The following RAPGEFL1 variants were observed in gnomAD, a reference collection of about 807,000 sequenced individuals.
The protein encoded by RAPGEFL1 is rap guanine nucleotide exchange factor-like 1.
In RAPGEFL1, 31 loss-of-function variants were observed where a neutral mutation model predicts 64.4. The ratio of observed to expected loss-of-function variants is 0.48; its 90% CI spans 0.36 to 0.65. The LOEUF is 0.65. RAPGEFL1 is among the 30% of genes least tolerant of loss of function. RAPGEFL1 has a pLI of 0.00. For missense variants in RAPGEFL1, 682 were observed against 677.4 expected (o/e 1.01, Z -0.08); for synonymous variants, 331 against 274.1 (o/e 1.21, Z -2.05).
intron 11 of RAPGEFL1, among the ~76,000 whole-genome samples, 158 bp downstream of exon 11, chr17:40,192,421 GC>G (rs1316145450): frequency 6.6e-6 from 1 of 151,964 alleles, no homozygotes; most frequent in Non-Finnish European, 1.5e-5. Context: ...GAAGGATTGC[GC>G]CCCTGTTTTT....
Position 40,191,558 on chromosome 17 carries a change from T to TGACCCCGCCTCCCACCCCC in RAPGEFL1, c.1515-22_1515-4dup. On this transcript the variant is annotated intron_variant, in intron 9 of 14. Transcript: ENST00000620260. This position sits in a 1 kb window ranked among gnomAD's most constrained non-coding sequence, Gnocchi z 5.1. The stretch of plus-strand genomic sequence containing the variant: ...GGAGGCCCGCGCCGCCGCCCGCCCC[T>TGACCCCGCCTCCCACCCCC]GACCCCGCCTCCCACCCCCGCAGCT... The TGACCCCGCCTCCCACCCCC allele has an allele frequency of 1.4e-6, 2 of 1,474,410 alleles. No homozygotes were observed. The highest frequency in any genetic ancestry group is 1.8e-6 in the Non-Finnish European group (2 of 1,082,482). The allele number at this position is 1,474,410 out of a possible 1,614,324, so 91.3% of individuals were successfully genotyped here.
In RAPGEFL1 at chr17:40,178,067, G is replaced by A; in HGVS notation, c.206G>A (p.Arg69Gln). ...CGCCTGCTGCTCCCCGCTTTCCTCC[G>A]GGAGCCCCCCGCCGAGCCGGGGCTG... The part of the protein sequence containing the change: ...VSRLLLPAFL[R>Q]EPPAEPGLEP... The change falls in exon 1 of 15, where the codon CGG (arginine) becomes CAG (glutamine). Residue 69 changes from arginine to glutamine, a missense_variant. By Grantham distance (43) the Arg-to-Gln change is conservative. Around this residue, in one of 2 missense-constraint regions of RAPGEFL1, gnomAD observed 271 missense variants for 158.0 expected, o/e 1.72. Transcript: ENST00000620260. 1.7e-6 allele frequency: 1 copy of A among 603,428 alleles called. No homozygotes were observed. Among genetic ancestry groups the A allele is most frequent in the Non-Finnish European group, 2.9e-6 (1 of 341,082 alleles). 37.4% of individuals were successfully genotyped at this position (603,428 alleles called of 1,614,324 possible). A position where few individuals can be genotyped will look rare whatever the true frequency, so the allele number is the denominator to read the frequency against.
chr17:40,185,981 G>T (rs1468566652), intron 4 of RAPGEFL1, among the ~76,000 whole-genome samples: 1 of 150,700 alleles, frequency 6.6e-6, no homozygotes, highest in African/African-American at 2.4e-5. Flanking sequence ...AAAAAAAAAG[G>T]CCGGGTGCGG....
rs997403597 is a variant in RAPGEFL1, at chr17:40,189,445, G to A, written c.1114+70G>A. ...TCACAAGCTCAGGGCTCTGGGGGAG[G>A]GGTAGAGACTGAATTCTAGGCCCTT... On this transcript the variant is annotated intron_variant, in intron 6 of 14. Coordinates refer to ENST00000620260, the MANE Select transcript of RAPGEFL1 (RefSeq NM_016339.6). 3.3e-6 allele frequency: 5 copies of A among 1,533,136 alleles called. No individual in the cohort carries two copies. In the Admixed American group the frequency reaches 9.1e-5, roughly 28 times the overall value. The allele number at this position is 1,533,136 out of a possible 1,614,324, so 95.0% of individuals were successfully genotyped here. A position where few individuals can be genotyped will look rare whatever the true frequency, so the allele number is the denominator to read the frequency against.
At chr17:40,184,828 G>A in intron 4 of RAPGEFL1, 150 bp downstream of exon 4, 2 of 596,286 alleles carry the variant, frequency 3.4e-6, no homozygotes, top group South Asian at 4.3e-5. Context: ...CGCCTAGGCT[G>A]GAGAGCAGTG....
In RAPGEFL1 at chr17:40,192,928, C is replaced by G; in HGVS notation, c.1747C>G (p.Leu583Val). 1.2e-6 allele frequency: 2 copies of G among 1,612,826 alleles called. No individual in the cohort carries two copies. The highest frequency in any genetic ancestry group is 1.7e-6 in the Non-Finnish European group (2 of 1,178,830). Residue 583 changes from leucine to valine, a missense_variant and splice_region_variant, in exon 13 of 15, where the codon CTG becomes GTG. Physicochemically the swap from Leu to Val is conservative, Grantham distance 32. Around this residue, in one of 2 missense-constraint regions of RAPGEFL1, gnomAD observed 411 missense variants for 519.4 expected, o/e 0.79. Transcript: ENST00000620260. Reference sequence around the variant, plus strand: ...TGGATTCTCTCCACATCCCCTAGACCTGACTTTCCTGCACGAAGGGAGTAA... The same window carrying G: ...TGGATTCTCTCCACATCCCCTAGACGTGACTTTCCTGCACGAAGGGAGTAA... The part of the protein sequence containing the change: ...IPFVPLILKD[L>V]TFLHEGSKTL...
At chr17:40,185,124 A>C (rs1990021348) in intron 4 of RAPGEFL1, among the ~76,000 whole-genome samples, 1 of 152,180 alleles carries the variant, frequency 6.6e-6, no homozygotes, top group Non-Finnish European at 1.5e-5. Flanking sequence ...AGGGTGGCAC[A>C]AAGCACTGTC....
At chr17:40,187,401 T>C (rs956771478) in intron 4 of RAPGEFL1, among the ~76,000 whole-genome samples, 3 of 152,172 alleles carry the variant, frequency 2.0e-5, no homozygotes, top group African/African-American at 7.2e-5. Context: ...GAGAGATCTT[T>C]CATGCTCCTG....
chr17:40,184,400 G>A, intron 3 of RAPGEFL1, 51 bp downstream of exon 3: 1 of 1,514,130 alleles, frequency 6.6e-7, no homozygotes, highest in Non-Finnish European at 9.0e-7. Flanking sequence ...GCTCTGGAAG[G>A]GGGCCCCTGT....
upstream of RAPGEFL1, chr17:40,177,389 C>T (rs1041555175): frequency 2.6e-5 from 12 of 467,608 alleles, no homozygotes; most frequent in African/African-American, 2.2e-4. Context: ...AAGCCTCGTG[C>T]GGCGCGGGGG....
In RAPGEFL1 at chr17:40,192,518, C is replaced by T. The variant is rs555089308; in HGVS notation, c.1657-88C>T. 8.3e-5 allele frequency: 99 copies of T among 1,188,528 alleles called. No homozygotes were observed. The African/African-American group carries it at 1.3e-3, about 16-fold the overall frequency. The allele number at this position is 1,188,528 out of a possible 1,614,324, so 73.6% of individuals were successfully genotyped here. On this transcript the variant is annotated intron_variant, in intron 11 of 14. Transcript: ENST00000620260. ...ACCCCTATCTGATCAGGAATGTATA[C>T]AAGGCAGGGGGTGAGGGAGGAAGCT... is the stretch of plus-strand genomic sequence containing the variant.
chr17:40,181,616 A>T lies in RAPGEFL1; in HGVS notation c.521A>T (p.Asp174Val). 1 of 702,692 alleles carries T rather than the reference A, an allele frequency of 1.4e-6. No homozygotes were observed. The highest frequency in any genetic ancestry group is 2.6e-6 in the Non-Finnish European group (1 of 384,790). 43.5% of individuals were successfully genotyped at this position (702,692 alleles called of 1,614,324 possible). A position where few individuals can be genotyped will look rare whatever the true frequency, so the allele number is the denominator to read the frequency against. The stretch of plus-strand genomic sequence containing the variant: ...CTGTGGTGCCCACTGATCTTTACAG[A>T]TATCCTGCTGGATGACATTGTCCTT... ...GGATRDSAASDILLDDIVLTH... is the reference protein window; with the variant it reads ...GGATRDSAASVILLDDIVLTH... The change falls in exon 2 of 15, where the codon GAT becomes GTT. Residue 174 changes from aspartate (D) to valine (V), a missense_variant and splice_region_variant. This residue lies in a region of RAPGEFL1 where 271 missense variants were observed against 158.0 expected (regional missense o/e 1.72). Transcript: ENST00000620260.
chr17:40,183,934 C>G (rs1598440010), intron 2 of RAPGEFL1, among the ~76,000 whole-genome samples: 1 of 149,204 alleles, frequency 6.7e-6, no homozygotes, highest in East Asian at 2.0e-4. Context: ...ACCTCTGCCT[C>G]CCAGGTTCAA....
Position 40,189,194 on chromosome 17 carries a change from C to G in RAPGEFL1, c.947-14C>G, listed in dbSNP as rs759109757. 1 of 1,613,610 alleles carries G rather than the reference C, an allele frequency of 6.2e-7. No individual in the cohort carries two copies. Among genetic ancestry groups the G allele is most frequent in the Admixed American group, 1.7e-5 (1 of 59,974 alleles). ...CTGCCCTCTGTTGAAAGCCATTTTC[C>G]TGTTTCCGTCCAGTCTTCTGCCGTG... On this transcript the variant is annotated splice_polypyrimidine_tract_variant and intron_variant, in intron 5 of 14. Coordinates refer to ENST00000620260, the MANE Select transcript of RAPGEFL1 (RefSeq NM_016339.6).
chr17:40,191,407 C>T lies in RAPGEFL1; in HGVS notation c.1427C>T (p.Thr476Met), dbSNP rs1457555897. ...ELLLQRCSEV[T>M]HWVATEVLLC... ...CTGCTGCAGCGCTGCAGCGAGGTCA[C>T]GCACTGGGTGGCCACCGAAGTGCTG... Residue 476 changes from threonine to methionine, a missense_variant, in exon 9 of 15, where the codon ACG becomes ATG. By Grantham distance (81) the Thr-to-Met change is moderately conservative. Coordinates refer to ENST00000620260, the MANE Select transcript of RAPGEFL1 (RefSeq NM_016339.6). The surrounding 1 kb of genome is among the most constrained non-coding windows in gnomAD (Gnocchi z 5.1). 4 of 1,603,656 alleles carry T rather than the reference C, an allele frequency of 2.5e-6. No individual in the cohort carries two copies. The highest frequency in any genetic ancestry group is 3.4e-6 in the Non-Finnish European group (4 of 1,178,130).
chr17:40,183,475 C>T (rs1315708976), intron 2 of RAPGEFL1, among the ~76,000 whole-genome samples: 1 of 151,236 alleles, frequency 6.6e-6, no homozygotes, highest in Admixed American at 6.6e-5. Flanking sequence ...CTAGAGAATA[C>T]TTGGGGGCAA....
chr17:40,190,852 A>C (rs1362625929), intron 8 of RAPGEFL1, 90 bp downstream of exon 8: 1 of 1,554,168 alleles, frequency 6.4e-7, no homozygotes, highest in African/African-American at 1.4e-5. Flanking sequence ...TCCTGGTTCC[A>C]AGGCTCACTT....
chr17:40,178,071 G>GC lies in RAPGEFL1; in HGVS notation c.216dup (p.Ala73ArgfsTer10). The GC allele has an allele frequency of 8.3e-6, 5 of 602,862 alleles. No individual in the cohort carries two copies. The highest frequency in any genetic ancestry group is 3.3e-5 in the East Asian group (1 of 29,914). The allele number at this position is 602,862 out of a possible 1,614,324, so 37.3% of individuals were successfully genotyped here. A position where few individuals can be genotyped will look rare whatever the true frequency, so the allele number is the denominator to read the frequency against. On this transcript the variant is annotated frameshift_variant, in exon 1 of 15. Coordinates refer to ENST00000620260, the MANE Select transcript of RAPGEFL1 (RefSeq NM_016339.6). LOFTEE classifies it high-confidence loss of function. ...TGCTGCTCCCCGCTTTCCTCCGGGA[G>GC]CCCCCCGCCGAGCCGGGGCTGGAGC...
At chr17:40,186,822 A>G (rs1990093477) in intron 4 of RAPGEFL1, among the ~76,000 whole-genome samples, 1 of 148,276 alleles carries the variant, frequency 6.7e-6, no homozygotes, top group African/African-American at 2.5e-5. Context: ...TGAATCCAGG[A>G]GGTGGAGGTT....
Sources: gnomAD v4.1 joint callset for allele counts (sites outside exome capture counted in the v4.1 genomes callset) on GRCh38, gnomAD v4.1.1 for gene constraint, gnomAD v4.1.1 regional missense constraint, Gnocchi (gnomAD v3.1) non-coding constraint, MANE v1.5 for transcripts, NCBI Gene and HGNC (gene_info 2026-07-23, HGNC 2026-07-21) for gene names.